NUDT1: variants seen among roughly 807,000 people sequenced by gnomAD.
The protein encoded by NUDT1 is oxidized purine nucleoside triphosphate hydrolase.
Under a neutral mutation model 11.3 loss-of-function variants are expected in NUDT1, and 16 were observed. That is an observed-to-expected ratio of 1.41 (90% CI 0.96 to 2.15). The LOEUF is 2.15. Ranked by LOEUF, NUDT1 falls within the 30% of genes most tolerant of loss-of-function variation. NUDT1 has a pLI of 0.00. For missense variants in NUDT1, 234 were observed against 208.4 expected (o/e 1.12, Z -0.76); for synonymous variants, 101 against 84.4 (o/e 1.20, Z -1.08).
intron 2 of NUDT1, among the ~76,000 whole-genome samples, chr7:2,246,807 G>T (rs1794783254): frequency 6.6e-6 from 1 of 152,254 alleles, no homozygotes; most frequent in Middle Eastern, 3.4e-3. Context: ...CTGGAGACGG[G>T]GGTTTCACCA....
chr7:2,250,754 G>C (rs35110413), intron 3 of NUDT1, 75 bp from the exon 4 acceptor site: 8 of 1,579,808 alleles, frequency 5.1e-6, no homozygotes, highest in Non-Finnish European at 6.9e-6. Context: ...CACCGCGCCC[G>C]GCCAAAAAAA....
intron 1 of NUDT1, chr7:2,243,003 T>C: frequency 2.8e-6 from 2 of 717,258 alleles, no homozygotes; most frequent in Non-Finnish European, 2.6e-6. Context: ...TGAGTGGAAT[T>C]AGCCCTCAGC....
chr7:2,245,566 A>G (rs1249361607), intron 2 of NUDT1, among the ~76,000 whole-genome samples: 1 of 152,154 alleles, frequency 6.6e-6, no homozygotes, highest in African/African-American at 2.4e-5. Context: ...AGGGGGCTCT[A>G]CTTTTCCGAT....
rs1456364065 is a variant in NUDT1 at position 2,244,626 on chromosome 7, G to A, written c.52G>A (p.Val18Ile). 2.5e-6 allele frequency: 4 copies of A among 1,613,866 alleles called. No homozygotes were observed. Among genetic ancestry groups the A allele is most frequent in the African/African-American group, 1.3e-5 (1 of 75,042 alleles). ...GGTGCTGGTCCTGCAGCCTCAGCGA[G>A]TTCTCCTGGGCATGAAAAAGCGAGG... The part of the protein sequence containing the change: ...TLVLVLQPQR[V>I]LLGMKKRGFG... The change falls in exon 2 of 4, where the codon GTT becomes ATT. Residue 18 changes from valine (V) to isoleucine (I), a missense_variant. Val to Ile is a conservative substitution (Grantham distance 29, BLOSUM62 3). Transcript: ENST00000356714.
intron 3 of NUDT1, among the ~76,000 whole-genome samples, 166 bp from the exon 4 acceptor site, chr7:2,250,663 T>C (rs1009319422): frequency 3.2e-5 from 4 of 123,698 alleles, no homozygotes; most frequent in Non-Finnish European, 7.3e-5. Context: ...TTTCACCGTG[T>C]TAGCCAGGAT....
rs572543762 is a variant in NUDT1 at position 2,249,753 on chromosome 7, G to C, written c.153-104G>C. The C allele has an allele frequency of 1.5e-5, 22 of 1,464,340 alleles. No homozygotes were observed. In the Admixed American group the frequency reaches 1.5e-4, roughly 10 times the overall value. The allele number at this position is 1,464,340 out of a possible 1,614,324, so 90.7% of individuals were successfully genotyped here. A position where few individuals can be genotyped will look rare whatever the true frequency, so the allele number is the denominator to read the frequency against. On this transcript the variant is annotated intron_variant, in intron 2 of 3. Coordinates refer to ENST00000356714, the MANE Select transcript of NUDT1 (RefSeq NM_002452.4). ...CCTGGGTCTCCCATCCACCCTGGTG[G>C]CTCCCTGGGCTGTGTGTAGATGCCC...
Position 2,250,680 on chromosome 7 carries a change from G to C in NUDT1, c.299-149G>C, listed in dbSNP as rs571873619. ...TCACCGTGTTAGCCAGGATGGTCTC[G>C]ATCTCCTGACCTCGTGATCCTCCCG... On this transcript the variant is annotated intron_variant, in intron 3 of 3. Coordinates refer to ENST00000356714, the MANE Select transcript of NUDT1 (RefSeq NM_002452.4). 5.1e-4 allele frequency: 270 copies of C among 534,436 alleles called. 8 individuals carry two copies. The highest frequency in any genetic ancestry group is 4.3e-3 in the African/African-American group (188 of 43,608). The allele number at this position is 534,436 out of a possible 1,614,324, so 33.1% of individuals were successfully genotyped here.
At chr7:2,242,942 A>G in intron 1 of NUDT1, 2 of 713,710 alleles carry the variant, frequency 2.8e-6, no homozygotes, top group Non-Finnish European at 5.2e-6. Context: ...GCCTTGATGT[A>G]CTGGAGCAAT....
chr7:2,250,629 T>G (rs1301454090), intron 3 of NUDT1, among the ~76,000 whole-genome samples, 200 bp from the exon 4 acceptor site: 1 of 151,624 alleles, frequency 6.6e-6, no homozygotes, highest in Non-Finnish European at 1.5e-5. Flanking sequence ...GGCTAATTTT[T>G]TTGTATTTTT....
At chr7:2,243,152 G>A (rs970891472) in intron 1 of NUDT1, 56 of 604,770 alleles carry the variant, frequency 9.3e-5, no homozygotes, top group Non-Finnish European at 1.3e-4. Context: ...GGTGCCTGTT[G>A]GTGTGCTTTC....
chr7:2,242,472 A>T (rs34996498), intron 1 of NUDT1: 1 of 469,944 alleles, frequency 2.1e-6, no homozygotes, highest in African/African-American at 2.1e-5. Flanking sequence ...AGCGGGGCGG[A>T]GGCTTGGGGG....
rs746600935 is a variant in NUDT1 at position 2,244,560 on chromosome 7, C to T, written c.-12-3C>T. ...TGACTCTGCCCTCTCACCTTCCTTT[C>T]AGAACCCAGGGACCATGGGCGCCTC... is the stretch of plus-strand genomic sequence containing the variant. On this transcript the variant is annotated splice_region_variant and splice_polypyrimidine_tract_variant and intron_variant, in intron 1 of 3. Transcript: ENST00000356714. 1 of 1,545,768 alleles carries T rather than the reference C, an allele frequency of 6.5e-7. No homozygotes were observed. Among genetic ancestry groups the T allele is most frequent in the East Asian group, 2.3e-5 (1 of 43,866 alleles).
At position 2,249,850 on chromosome 7, in the gene NUDT1, C is replaced by T; in HGVS notation, c.153-7C>T. 1.2e-6 allele frequency: 2 copies of T among 1,612,810 alleles called. No homozygotes were observed. The highest frequency in any genetic ancestry group is 1.7e-6 in the Non-Finnish European group (2 of 1,180,012). On this transcript the variant is annotated splice_polypyrimidine_tract_variant and splice_region_variant and intron_variant, in intron 2 of 3. Transcript: ENST00000356714. ...GGCCTCCCTCCCCTGCCCACCTCTG[C>T]CCGCAGGGAGCTGCAGGAGGAGAGC...
chr7:2,249,637 CCT>C (rs1794899635), intron 2 of NUDT1: 1 of 607,770 alleles, frequency 1.6e-6, no homozygotes, highest in Admixed American at 2.6e-5. Context: ...CTCCCCAGAG[CCT>C]CTCAACCAAA....
chr7:2,246,969 G>C (rs1252113594), intron 2 of NUDT1, among the ~76,000 whole-genome samples: 2 of 152,180 alleles, frequency 1.3e-5, no homozygotes, highest in African/African-American at 2.4e-5. Flanking sequence ...GGGAGCATCT[G>C]CAAGCATGAG....
At chr7:2,250,753 C>T (rs568895818) in intron 3 of NUDT1, 76 bp from the exon 4 acceptor site, 181 of 1,573,762 alleles carry the variant, frequency 1.2e-4, no homozygotes, top group East Asian at 1.1e-3. Flanking sequence ...CCACCGCGCC[C>T]GGCCAAAAAA....
In NUDT1 at chr7:2,244,484, G is replaced by A. The variant is rs35537189; in HGVS notation, c.-12-79G>A. The A allele has an allele frequency of 2.1e-4, 129 of 603,026 alleles. No homozygotes were observed. In the East Asian group the frequency reaches 5.3e-3, roughly 25 times the overall value. The allele number at this position is 603,026 out of a possible 1,614,324, so 37.4% of individuals were successfully genotyped here. On this transcript the variant is annotated intron_variant, in intron 1 of 3. Coordinates refer to ENST00000356714, the MANE Select transcript of NUDT1 (RefSeq NM_002452.4). ...CGCCCCCCACTGCCTCCCAGAGCACGTCCCCTTCCTCCTGGCCCCTGGCAC... is the reference window on the plus strand; with the variant it reads ...CGCCCCCCACTGCCTCCCAGAGCACATCCCCTTCCTCCTGGCCCCTGGCAC...
chr7:2,244,467 A>AGCCACC, intron 1 of NUDT1, 96 bp from the exon 2 acceptor site: 1 of 419,784 alleles, frequency 2.4e-6, no homozygotes, highest in Non-Finnish European at 4.1e-6. Context: ...CCCGCCCCCC[A>AGCCACC]CTGCCTCCCA....
intron 2 of NUDT1, among the ~76,000 whole-genome samples, chr7:2,245,270 C>T (rs1794725964): frequency 6.6e-6 from 1 of 152,228 alleles, no homozygotes; most frequent in African/African-American, 2.4e-5. Context: ...CCCCTCAACC[C>T]TCACAGGGTA....
Sources: allele counts gnomAD v4.1 joint callset (sites outside exome capture counted in the v4.1 genomes callset), GRCh38; gene constraint gnomAD v4.1.1; transcripts MANE v1.5; gene names NCBI Gene and HGNC (gene_info 2026-07-23, HGNC 2026-07-21).